Variants in DOCK9 observed in about 807,000 individuals in gnomAD.
The protein encoded by DOCK9 is dedicator of cytokinesis protein 9.
DOCK9 carries 89 observed loss-of-function variants against 263.3 expected under a neutral mutation model. The ratio of observed to expected loss-of-function variants is 0.34; its 90% CI spans 0.28 to 0.40. The LOEUF (loss-of-function observed/expected upper bound fraction) is 0.40, where lower values mean the gene tolerates loss of function less well. Among genes scored for constraint, DOCK9 ranks in the 10% least tolerant of loss-of-function variants. DOCK9 has a pLI of 1.00. For synonymous variants in DOCK9, 976 were observed against 973.1 expected, an observed-to-expected ratio of 1.00 and a Z score of -0.06; for missense variants, 2,140 against 2,603.4, an observed-to-expected ratio of 0.82 and a Z score of 3.87.
upstream of DOCK9, among the ~76,000 whole-genome samples, chr13:98,980,451 C>T (rs188115867): frequency 1.1e-4 from 16 of 152,338 alleles, no homozygotes; most frequent in Middle Eastern, 0.01. Flanking sequence ...AGTGTACACA[C>T]GCTTAACCAT....
intron 15 of DOCK9, among the ~76,000 whole-genome samples, chr13:98,896,206 T>C (rs2047401825): frequency 1.3e-5 from 2 of 152,192 alleles, no homozygotes; most frequent in Non-Finnish European, 1.5e-5. Context: ...ATCACATAAC[T>C]GAAAGAGACC....
intron 1 of DOCK9, among the ~76,000 whole-genome samples, chr13:99,047,538 A>C (rs1206327928): frequency 1.3e-5 from 1 of 77,794 alleles, no homozygotes; most frequent in Non-Finnish European, 2.6e-5. Context: ...TTTTTTTTTG[A>C]GACGGAGTCT....
At chr13:98,808,563 AC>A (rs985897934) in intron 47 of DOCK9, 78 of 972,496 alleles carry the variant, frequency 8.0e-5, no homozygotes, top group Non-Finnish European at 1.2e-4. Context: ...GAAACAAAAA[AC>A]ATCCACATCA....
chr13:98,950,699 A>G (rs2057308715), intron 2 of DOCK9, among the ~76,000 whole-genome samples: 1 of 152,238 alleles, frequency 6.6e-6, no homozygotes, highest in Non-Finnish European at 1.5e-5. Context: ...ATGGTAGCTT[A>G]AATTGTCTCC....
chr13:98,914,446 A>C, intron 8 of DOCK9, 51 bp from the exon 9 acceptor site: 47 of 1,522,732 alleles, frequency 3.1e-5, no homozygotes, highest in South Asian at 6.0e-5. Context: ...ATAGCATTTC[A>C]TTTGAAACAG....
At chr13:98,893,690 A>C (rs1420806274) in intron 15 of DOCK9, among the ~76,000 whole-genome samples, 1 of 152,224 alleles carries the variant, frequency 6.6e-6, no homozygotes, top group Admixed American at 6.5e-5. Flanking sequence ...TTTGGATCCA[A>C]GCCGGTGCCC....
intron 1 of DOCK9, among the ~76,000 whole-genome samples, chr13:99,030,571 G>A (rs1887227650): frequency 6.6e-6 from 1 of 152,188 alleles, no homozygotes; most frequent in South Asian, 2.1e-4. Flanking sequence ...CATCATTAAA[G>A]AGAAAGATAA....
chr13:98,851,467 C>A (rs1396494977), intron 35 of DOCK9, among the ~76,000 whole-genome samples: 2 of 152,184 alleles, frequency 1.3e-5, no homozygotes, highest in Non-Finnish European at 2.9e-5. Context: ...CCCTGCAGAC[C>A]CCTGTGGCCA....
intron 1 of DOCK9, chr13:99,015,695 T>C (rs1012261851): frequency 8.9e-6 from 13 of 1,457,772 alleles, no homozygotes; most frequent in South Asian, 1.5e-5. Context: ...AGGCTCCCAC[T>C]GTACCATCTT....
At chr13:99,050,179 T>C (rs1452328423) in intron 1 of DOCK9, among the ~76,000 whole-genome samples, 1 of 152,194 alleles carries the variant, frequency 6.6e-6, no homozygotes, top group Non-Finnish European at 1.5e-5. Flanking sequence ...ACACATAGCA[T>C]GTGTAGTTTA....
chr13:99,055,455 AG>A (rs1487556237), intron 1 of DOCK9, among the ~76,000 whole-genome samples: 1 of 152,142 alleles, frequency 6.6e-6, no homozygotes, highest in Non-Finnish European at 1.5e-5. Flanking sequence ...AGTGCGGGGA[AG>A]GGGGCATCGC....
rs569575492 is a variant in DOCK9 at position 98,942,269 on chromosome 13, G to A, written c.244-12012C>T. ...TTTTGTTTTTTTGAGACAGAGTCTC[G>A]CTCTGTCCCCCTAGGCTGGAGTACA... On this transcript the variant is annotated intron_variant, in intron 2 of 52. Coordinates refer to ENST00000682017, the MANE Select transcript of DOCK9 (RefSeq NM_001366683.2). Among the ~76,000 whole-genome samples, 15 of 140,048 alleles carry A rather than the reference G, an allele frequency of 1.1e-4. No homozygotes were observed. The South Asian group carries it at 3.2e-3, about 29-fold the overall frequency. 91.9% of individuals were successfully genotyped at this position (140,048 alleles called of 152,430 possible). A position where few individuals can be genotyped will look rare whatever the true frequency, so the allele number is the denominator to read the frequency against.
At chr13:98,867,635 C>T (rs2094068524) in intron 29 of DOCK9, 99 bp from the exon 30 acceptor site, 10 of 793,458 alleles carry the variant, frequency 1.3e-5, no homozygotes. Flanking sequence ...TAGTCATTAG[C>T]TTCTTGACCT....
upstream of DOCK9, among the ~76,000 whole-genome samples, chr13:98,978,517 C>G (rs1347051998): frequency 6.6e-6 from 1 of 152,172 alleles, no homozygotes; most frequent in East Asian, 1.9e-4. Context: ...AGTTTCACCC[C>G]GCATGACAGA....
intron 2 of DOCK9, among the ~76,000 whole-genome samples, chr13:98,936,557 C>T: frequency 6.6e-6 from 1 of 150,560 alleles, no homozygotes; most frequent in South Asian, 2.1e-4. Context: ...AAGTTCGAGG[C>T]TGCAGTGAGC....
intron 1 of DOCK9, among the ~76,000 whole-genome samples, chr13:99,054,010 T>C (rs1443821939): frequency 2.0e-5 from 3 of 152,184 alleles, no homozygotes; most frequent in Non-Finnish European, 4.4e-5. Flanking sequence ...AGGGGAGTCA[T>C]GAAGAAGTCA....
At chr13:98,912,148 AGG>A (rs2050156752) in intron 9 of DOCK9, among the ~76,000 whole-genome samples, 1 of 152,196 alleles carries the variant, frequency 6.6e-6, no homozygotes, top group South Asian at 2.1e-4. Context: ...CTGGGATTAC[AGG>A]CATGAGCCAC....
chr13:98,950,000 G>C (rs2057215338), intron 2 of DOCK9: 2 of 495,310 alleles, frequency 4.0e-6, no homozygotes, highest in Admixed American at 4.3e-5. Context: ...GTTTCAAAAT[G>C]AGTTCTTGGA....
chr13:98,926,562 A>C (rs2053000757), intron 3 of DOCK9, among the ~76,000 whole-genome samples: 1 of 152,240 alleles, frequency 6.6e-6, no homozygotes, highest in African/African-American at 2.4e-5. Flanking sequence ...CTACCTCGCC[A>C]CATGACAGAT....
Sources: gnomAD v4.1 joint callset for allele counts (sites outside exome capture counted in the v4.1 genomes callset) on GRCh38, gnomAD v4.1.1 for gene constraint, MANE v1.5 for transcripts, NCBI Gene and HGNC (gene_info 2026-07-23, HGNC 2026-07-21) for gene names.